FRMD4B: variants seen among roughly 807,000 people sequenced by gnomAD.
The protein encoded by FRMD4B is FERM domain containing 4B.
FRMD4B carries 74 observed loss-of-function variants against 141.5 expected under a neutral mutation model. The ratio of observed to expected loss-of-function variants is 0.52; its 90% CI spans 0.43 to 0.63. The LOEUF (loss-of-function observed/expected upper bound fraction) is 0.63, where lower values mean the gene tolerates loss of function less well. FRMD4B is among the 30% of genes least tolerant of loss of function. The pLI, the probability that FRMD4B is intolerant of heterozygous loss-of-function variation, is 0.00. For missense variants in FRMD4B, 1,366 were observed against 1,253.4 expected, an observed-to-expected ratio of 1.09 and a Z score of -1.36; for synonymous variants, 506 against 467.9, an observed-to-expected ratio of 1.08 and a Z score of -1.05.
chr3:69,369,821 G>A (rs1470692283), intron 1 of FRMD4B, among the ~76,000 whole-genome samples: 3 of 152,084 alleles, frequency 2.0e-5, no homozygotes, highest in Non-Finnish European at 4.4e-5. Flanking sequence ...TTAAAAATTG[G>A]TAGTAGCCTA....
intron 7 of FRMD4B, among the ~76,000 whole-genome samples, chr3:69,233,482 CAAAA>C (rs747234977): frequency 5.3e-5 from 4 of 75,990 alleles, no homozygotes; most frequent in Admixed American, 1.4e-4. Context: ...GACCCTGTCT[CAAAA>C]AAAAAAAAAA....
intron 1 of FRMD4B, among the ~76,000 whole-genome samples, chr3:69,443,412 C>A (rs950674095): frequency 3.3e-5 from 5 of 152,244 alleles, no homozygotes; most frequent in African/African-American, 1.2e-4. Flanking sequence ...TTTATAATAT[C>A]TTTTCTAATG....
At chr3:69,498,326 G>A (rs772370245) in intron 1 of FRMD4B, among the ~76,000 whole-genome samples, 8 of 152,166 alleles carry the variant, frequency 5.3e-5, no homozygotes, top group Non-Finnish European at 1.0e-4. Context: ...TTTGGAAAAG[G>A]CAATAAGGGG....
At chr3:69,354,680 C>T (rs1235393048) in intron 1 of FRMD4B, among the ~76,000 whole-genome samples, 1 of 152,090 alleles carries the variant, frequency 6.6e-6, no homozygotes, top group African/African-American at 2.4e-5. Context: ...CCACAGGTAT[C>T]TAAATATAGG....
rs368139720 is a variant in FRMD4B, at chr3:69,385,755, A to G, written c.162+73T>C. 1.7e-5 allele frequency: 22 copies of G among 1,286,852 alleles called. No homozygotes were observed. In the African/African-American group the frequency reaches 2.9e-4, roughly 17 times the overall value. 79.7% of individuals were successfully genotyped at this position (1,286,852 alleles called of 1,614,324 possible). On this transcript the variant is annotated intron_variant, in intron 1 of 22. Transcript: ENST00000398540. Reference sequence around the variant, plus strand: ...GAAGAGCTGGGGGGAATAAAATCATACAGGTGGAGCCTGCTTCCCACGAGT... The same window carrying G: ...GAAGAGCTGGGGGGAATAAAATCATGCAGGTGGAGCCTGCTTCCCACGAGT...
chr3:69,484,357 T>C (rs1706179573), intron 1 of FRMD4B, among the ~76,000 whole-genome samples: 1 of 152,210 alleles, frequency 6.6e-6, no homozygotes, highest in Admixed American at 6.5e-5. Flanking sequence ...GGTGCTATTA[T>C]ATATTTGTAC....
chr3:69,279,966 A>C (rs1182974867), intron 5 of FRMD4B, among the ~76,000 whole-genome samples: 1 of 151,964 alleles, frequency 6.6e-6, no homozygotes, highest in Non-Finnish European at 1.5e-5. Context: ...ATACTATTTT[A>C]ATTTGCCAAG....
At chr3:69,421,960 T>C (rs1000362475) in intron 2 of FRMD4B, among the ~76,000 whole-genome samples, 4 of 152,280 alleles carry the variant, frequency 2.6e-5, no homozygotes, top group Non-Finnish European at 5.9e-5. Flanking sequence ...CATTATTTTA[T>C]TTTCACTCTG....
chr3:69,323,648 A>ATATG (rs1454253085), intron 1 of FRMD4B, among the ~76,000 whole-genome samples: 2 of 111,538 alleles, frequency 1.8e-5, no homozygotes, highest in Non-Finnish European at 3.7e-5. Context: ...ATATATATAT[A>ATATG]TATATGCGTT....
At chr3:69,230,928 C>A (rs2093300526) in intron 7 of FRMD4B, among the ~76,000 whole-genome samples, 1 of 152,128 alleles carries the variant, frequency 6.6e-6, no homozygotes, top group African/African-American at 2.4e-5. Context: ...ATACAAGTCC[C>A]CAAATAAGAA....
chr3:69,325,121 G>GAAAGAAAGAAAGAAAGA, intron 1 of FRMD4B, among the ~76,000 whole-genome samples: 1 of 151,572 alleles, frequency 6.6e-6, no homozygotes. Flanking sequence ...AAGAAAGAAA[G>GAAAGAAAGAAAGAAAGA]AAAGAAAAGA....
chr3:69,535,738 G>GA, intron 1 of FRMD4B: 1 of 442,214 alleles, frequency 2.3e-6, no homozygotes, highest in East Asian at 7.4e-5. Context: ...GCACTTGGGG[G>GA]TCTCTGTCTT....
intron 7 of FRMD4B, among the ~76,000 whole-genome samples, chr3:69,234,015 G>A (rs1022312902): frequency 6.6e-6 from 1 of 152,096 alleles, no homozygotes; most frequent in Non-Finnish European, 1.5e-5. Context: ...GGGAGGCTGG[G>A]GCTAGCAGAT....
chr3:69,202,503 C>A (rs188324976), intron 11 of FRMD4B, among the ~76,000 whole-genome samples: 22 of 149,882 alleles, frequency 1.5e-4, no homozygotes, highest in Non-Finnish European at 3.3e-4. Flanking sequence ...AAAAGAGGAG[C>A]TTTATTTGTC....
chr3:69,202,146 T>A (rs2092973914), intron 11 of FRMD4B, among the ~76,000 whole-genome samples: 1 of 151,916 alleles, frequency 6.6e-6, no homozygotes, highest in Non-Finnish European at 1.5e-5. Flanking sequence ...GAGGTTGCAG[T>A]GAGCCGAGAT....
At chr3:69,220,898 T>G (rs1011127822) in intron 9 of FRMD4B, among the ~76,000 whole-genome samples, 3 of 151,830 alleles carry the variant, frequency 2.0e-5, no homozygotes, top group Non-Finnish European at 4.4e-5. Context: ...GAGGAAAATC[T>G]ACAATCTCCA....
At chr3:69,255,992 A>C (rs1216714359) in intron 5 of FRMD4B, among the ~76,000 whole-genome samples, 1 of 151,828 alleles carries the variant, frequency 6.6e-6, no homozygotes, top group East Asian at 1.9e-4. Flanking sequence ...AGCTACTCAG[A>C]AGACTGAGGT....
intron 1 of FRMD4B, among the ~76,000 whole-genome samples, chr3:69,361,884 A>C (rs1459735567): frequency 1.3e-5 from 2 of 152,212 alleles, no homozygotes; most frequent in Non-Finnish European, 2.9e-5. Flanking sequence ...AATGTGCATG[A>C]ATAGAGCTAA....
intron 7 of FRMD4B, among the ~76,000 whole-genome samples, chr3:69,246,464 CA>C (rs922788561): frequency 5.3e-5 from 8 of 151,952 alleles, no homozygotes; most frequent in African/African-American, 1.5e-4. Flanking sequence ...CAAAAATAAA[CA>C]AAAACAAAAT....
Sources: allele counts gnomAD v4.1 joint callset (sites outside exome capture counted in the v4.1 genomes callset), GRCh38; gene constraint gnomAD v4.1.1; transcripts MANE v1.5; gene names NCBI Gene and HGNC (gene_info 2026-07-23, HGNC 2026-07-21).